ZMIZ1: variants seen among roughly 807,000 people sequenced by gnomAD.
ZMIZ1 encodes the protein zinc finger MIZ domain-containing protein 1.
A neutral mutation model predicts 113.9 loss-of-function variants in ZMIZ1; 17 were observed. That is an observed-to-expected ratio of 0.15 (90% CI 0.10 to 0.22). The LOEUF is 0.22. Ranked by LOEUF, ZMIZ1 falls within the 10% of genes least tolerant of loss-of-function variation. ZMIZ1 has a pLI of 1.00. For missense variants in ZMIZ1, 1,059 were observed against 1,477.8 expected (o/e 0.72, Z 4.65); for synonymous variants, 607 against 603.1 (o/e 1.01, Z -0.09).
intron 7 of ZMIZ1, among the ~76,000 whole-genome samples, chr10:79,274,828 G>A (rs561165131): frequency 2.6e-5 from 4 of 152,372 alleles, no homozygotes; most frequent in Admixed American, 2.0e-4. Context: ...CTCCACTAGG[G>A]GCAGGAGGAC....
At chr10:79,210,580 G>T (rs1363366342) in intron 6 of ZMIZ1, among the ~76,000 whole-genome samples, 1 of 152,214 alleles carries the variant, frequency 6.6e-6, no homozygotes, top group East Asian at 1.9e-4. Context: ...CCAGGCAGAG[G>T]GAACTGCTAA....
At chr10:79,263,961 A>G (rs1851422791) in intron 7 of ZMIZ1, among the ~76,000 whole-genome samples, 1 of 152,160 alleles carries the variant, frequency 6.6e-6, no homozygotes, top group Non-Finnish European at 1.5e-5. Flanking sequence ...AGAAAAGTAA[A>G]TTATGCAGGG....
chr10:79,157,867 G>A (rs1338683227), intron 3 of ZMIZ1, among the ~76,000 whole-genome samples: 2 of 152,178 alleles, frequency 1.3e-5, no homozygotes, highest in Admixed American at 6.5e-5. Flanking sequence ...GTGTGGCGGT[G>A]GGGTTCTCCA....
At position 79,305,315 on chromosome 10, in the gene ZMIZ1, C is replaced by T. The variant is rs987172688; in HGVS notation, c.2354+84C>T. On this transcript the variant is annotated intron_variant, in intron 20 of 24. Transcript: ENST00000334512. Reference sequence around the variant, plus strand: ...GCCAGCTACCTCCCACCTCCACCTGCCCTAAATGCAAACCAGAACCCAAAC... The same window carrying T: ...GCCAGCTACCTCCCACCTCCACCTGTCCTAAATGCAAACCAGAACCCAAAC... 43 of 1,496,466 alleles carry T rather than the reference C, an allele frequency of 2.9e-5. No individual in the cohort carries two copies. In the South Asian group the frequency reaches 4.9e-4, roughly 17 times the overall value. The allele number at this position is 1,496,466 out of a possible 1,614,324, so 92.7% of individuals were successfully genotyped here.
chr10:79,229,750 A>G (rs748877314), intron 7 of ZMIZ1, among the ~76,000 whole-genome samples: 1 of 152,188 alleles, frequency 6.6e-6, no homozygotes, highest in African/African-American at 2.4e-5. Flanking sequence ...TGGCAGGGAC[A>G]TGCTTAGGAA....
intron 23 of ZMIZ1, among the ~76,000 whole-genome samples, chr10:79,308,995 T>TA (rs1026759912): frequency 3.3e-5 from 5 of 152,296 alleles, no homozygotes; most frequent in Middle Eastern, 3.4e-3. Flanking sequence ...TGTCCTCCAT[T>TA]TCTGAGCTCT....
chr10:79,198,126 G>A (rs11594811), intron 4 of ZMIZ1, among the ~76,000 whole-genome samples: 19,500 of 152,074 alleles, frequency 0.13, 1,653 homozygotes, highest in Non-Finnish European at 0.19. Flanking sequence ...GGACGTGGTG[G>A]TGGGCGCCTG....
At chr10:79,071,575 G>T (rs1356192256) in intron 1 of ZMIZ1, among the ~76,000 whole-genome samples, 1 of 152,146 alleles carries the variant, frequency 6.6e-6, no homozygotes, top group Admixed American at 6.5e-5. Flanking sequence ...TCTCAGCCCC[G>T]GCTGCTTTGT....
At chr10:79,092,800 C>G (rs1442113527) in intron 1 of ZMIZ1, among the ~76,000 whole-genome samples, 1 of 152,194 alleles carries the variant, frequency 6.6e-6, no homozygotes, top group East Asian at 1.9e-4. Flanking sequence ...TCTTTGAAAT[C>G]TGGACACCAG....
chr10:79,087,254 T>C (rs1229934167), intron 1 of ZMIZ1, among the ~76,000 whole-genome samples: 1 of 152,192 alleles, frequency 6.6e-6, no homozygotes, highest in Non-Finnish European at 1.5e-5. Flanking sequence ...TTTTGGCAGG[T>C]GATGGTAAAG....
intron 1 of ZMIZ1, among the ~76,000 whole-genome samples, chr10:79,117,716 C>G (rs1844114678): frequency 6.6e-6 from 1 of 152,184 alleles, no homozygotes; most frequent in Non-Finnish European, 1.5e-5. Context: ...GGTCTAGTGT[C>G]TAGTGTGTGC....
At chr10:79,175,837 C>G (rs920860373) in intron 4 of ZMIZ1, among the ~76,000 whole-genome samples, 6 of 152,018 alleles carry the variant, frequency 3.9e-5, no homozygotes, top group African/African-American at 1.4e-4. Flanking sequence ...ACCCTCCGGG[C>G]TTAGCCCACA....
intron 17 of ZMIZ1, 134 bp downstream of exon 17, chr10:79,301,076 A>G: frequency 7.7e-7 from 1 of 1,291,820 alleles, no homozygotes; most frequent in Non-Finnish European, 1.1e-6. Context: ...ACAGCCGCCA[A>G]AGATACAGCG....
chr10:79,162,931 C>T (rs970183167), intron 4 of ZMIZ1, among the ~76,000 whole-genome samples: 4 of 152,182 alleles, frequency 2.6e-5, no homozygotes, highest in African/African-American at 9.7e-5. Flanking sequence ...AAGGTCGGGG[C>T]CAGCAGGTCC....
intron 8 of ZMIZ1, among the ~76,000 whole-genome samples, chr10:79,280,647 CT>C (rs149948122): frequency 0.01 from 1,421 of 140,564 alleles, 7 homozygotes; most frequent in African/African-American, 0.017. Context: ...CCACTCTGTT[CT>C]TTTTTTTTTT....
chr10:79,151,474 G>A (rs192730081), intron 3 of ZMIZ1, among the ~76,000 whole-genome samples: 1 of 152,204 alleles, frequency 6.6e-6, no homozygotes, highest in South Asian at 2.1e-4. Flanking sequence ...GGAACCGGCA[G>A]CAGAGAAGCC....
intron 6 of ZMIZ1, among the ~76,000 whole-genome samples, chr10:79,212,487 CAG>C (rs1385653285): frequency 6.6e-6 from 1 of 152,098 alleles, no homozygotes; most frequent in Non-Finnish European, 1.5e-5. Context: ...ATTTTTTGCA[CAG>C]ATGGGGCTGG....
intron 3 of ZMIZ1, among the ~76,000 whole-genome samples, chr10:79,150,213 C>T (rs995438821): frequency 1.3e-5 from 2 of 152,226 alleles, no homozygotes; most frequent in Non-Finnish European, 2.9e-5. Flanking sequence ...AGTGGCCACC[C>T]GCCCACCCAA....
chr10:79,281,750 G>A (rs1852751955), intron 8 of ZMIZ1, among the ~76,000 whole-genome samples: 1 of 152,238 alleles, frequency 6.6e-6, no homozygotes, highest in Non-Finnish European at 1.5e-5. Flanking sequence ...TGGAGGGCCT[G>A]CTAGACAACA....
Sources: allele counts gnomAD v4.1 joint callset (sites outside exome capture counted in the v4.1 genomes callset), GRCh38; gene constraint gnomAD v4.1.1; transcripts MANE v1.5; gene names NCBI Gene and HGNC (gene_info 2026-07-23, HGNC 2026-07-21).